Variants in UNK observed in about 807,000 individuals in gnomAD.
The protein encoded by UNK is RING finger protein unkempt homolog.
In UNK, 32 loss-of-function variants were observed where a neutral mutation model predicts 97.6. The ratio of observed to expected loss-of-function variants is 0.33; its 90% CI spans 0.25 to 0.44. The LOEUF is 0.44. Among genes scored for constraint, UNK ranks in the 20% least tolerant of loss-of-function variants. UNK has a pLI of 1.00. For synonymous variants in UNK, 441 were observed against 461.2 expected (o/e 0.96, Z 0.56); for missense variants, 771 against 1,098.4 (o/e 0.70, Z 4.21).
At chr17:75,815,926 T>G (rs1180760522) in intron 7 of UNK, among the ~76,000 whole-genome samples, 1 of 151,822 alleles carries the variant, frequency 6.6e-6, no homozygotes, top group Non-Finnish European at 1.5e-5. Flanking sequence ...AATTAAACAT[T>G]GGAAAATATG....
At chr17:75,815,142 C>T in intron 6 of UNK, 27 bp from the exon 7 acceptor site, 1 of 1,606,480 alleles carries the variant, frequency 6.2e-7, no homozygotes, top group Non-Finnish European at 8.5e-7. Context: ...GGGCCTGAGC[C>T]TGACTTGCCT....
chr17:75,790,295 T>C (rs1176449684), intron 1 of UNK, among the ~76,000 whole-genome samples: 1 of 151,720 alleles, frequency 6.6e-6, no homozygotes, highest in Admixed American at 6.6e-5. Context: ...AGACTCCATC[T>C]CAAGGGAAAA....
intron 1 of UNK, among the ~76,000 whole-genome samples, chr17:75,799,132 G>A (rs1453767974): frequency 1.3e-5 from 2 of 151,506 alleles, no homozygotes; most frequent in East Asian, 3.9e-4. Context: ...GCAACATGGC[G>A]AAACCTCATC....
chr17:75,819,610 C>A lies in UNK; in HGVS notation c.1547-74C>A. The A allele has an allele frequency of 1.5e-6, 2 of 1,375,228 alleles. No individual in the cohort carries two copies. The highest frequency in any genetic ancestry group is 2.1e-6 in the Non-Finnish European group (2 of 965,546). 85.2% of individuals were successfully genotyped at this position (1,375,228 alleles called of 1,614,324 possible). On this transcript the variant is annotated intron_variant, in intron 11 of 15. Transcript: ENST00000589666. The surrounding 1 kb of genome is among the most constrained non-coding windows in gnomAD (Gnocchi z 5.4). ...GCGTAGCATGGGCGTGAAGATGCAGCGTGGGCAGTAGACGAGGTGGTCAGG... is the reference window on the plus strand; with the variant it reads ...GCGTAGCATGGGCGTGAAGATGCAGAGTGGGCAGTAGACGAGGTGGTCAGG...
chr17:75,809,350 C>T (rs2061947552), intron 1 of UNK, among the ~76,000 whole-genome samples: 1 of 152,248 alleles, frequency 6.6e-6, no homozygotes, highest in Non-Finnish European at 1.5e-5. Context: ...CCTGCAACAA[C>T]AGGCAGGTGG....
At chr17:75,807,374 G>A (rs892992054) in intron 1 of UNK, among the ~76,000 whole-genome samples, 21 of 152,184 alleles carry the variant, frequency 1.4e-4, no homozygotes, top group African/African-American at 4.6e-4. Flanking sequence ...CTCCAGCCTG[G>A]GCAACATAAC....
intron 1 of UNK, among the ~76,000 whole-genome samples, chr17:75,790,093 A>G (rs765443550): frequency 3.9e-5 from 6 of 152,188 alleles, no homozygotes; most frequent in Non-Finnish European, 7.3e-5. Flanking sequence ...CAGTGAGCCG[A>G]GATCGCGCCA....
At chr17:75,812,318 C>G (rs373480560) in intron 3 of UNK, 30 bp downstream of exon 3, 1 of 1,595,874 alleles carries the variant, frequency 6.3e-7, no homozygotes, top group African/African-American at 1.3e-5. Flanking sequence ...GGGCTGATGG[C>G]AGTAGGCTGG....
rs2062085595 is a variant in UNK, at chr17:75,823,262, C to T, written c.2020-3C>T. ...GTGATGAGACTGTATGCTGGCCCCA[C>T]AGGCTTGTGATGCCTGGAAGAAAGA... On this transcript the variant is annotated splice_polypyrimidine_tract_variant and splice_region_variant and intron_variant, in intron 14 of 15. Coordinates refer to ENST00000589666, the MANE Select transcript of UNK (RefSeq NM_001080419.3). The T allele has an allele frequency of 1.3e-6, 2 of 1,593,790 alleles. No individual in the cohort carries two copies. The highest frequency in any genetic ancestry group is 2.7e-5 in the African/African-American group (2 of 74,542).
chr17:75,813,835 G>C lies in UNK; in HGVS notation c.833G>C (p.Cys278Ser). 1 of 1,599,826 alleles carries C rather than the reference G, an allele frequency of 6.3e-7. No homozygotes were observed. The highest frequency in any genetic ancestry group is 1.1e-5 in the South Asian group (1 of 88,530). ...DPGKCENGDA[C>S]QYCHTRTEQQ... is the part of the protein sequence containing the mutation. ...GGCAAGTGTGAGAACGGAGACGCCT[G>C]CCAGTACTGCCACACCCGCACCGAG... Residue 278 changes from cysteine (C) to serine (S), a missense_variant, in exon 6 of 16, where the codon TGC (cysteine) becomes TCC (serine). Around this residue, in one of 5 missense-constraint regions of UNK, gnomAD observed 246 missense variants for 440.7 expected, o/e 0.56. Transcript: ENST00000589666.
intron 2 of UNK, 71 bp downstream of exon 2, chr17:75,810,040 G>A: frequency 6.4e-7 from 1 of 1,569,004 alleles, no homozygotes; most frequent in Non-Finnish European, 8.7e-7. Context: ...AGGGTAGGCT[G>A]GGCAGATTCT....
At chr17:75,808,185 G>A (rs1381420309) in intron 1 of UNK, among the ~76,000 whole-genome samples, 1 of 152,164 alleles carries the variant, frequency 6.6e-6, no homozygotes, top group Admixed American at 6.5e-5. Flanking sequence ...CTACCAGTTT[G>A]AGGAATGGGT....
At chr17:75,812,037 G>T in intron 2 of UNK, 75 bp from the exon 3 acceptor site, 1 of 1,468,946 alleles carries the variant, frequency 6.8e-7, no homozygotes, top group Non-Finnish European at 9.2e-7. Context: ...AACAGTTGGG[G>T]TAAGGGCAGG....
intron 1 of UNK, among the ~76,000 whole-genome samples, chr17:75,805,830 G>A (rs1181493551): frequency 6.6e-6 from 1 of 151,744 alleles, no homozygotes; most frequent in African/African-American, 2.4e-5. Context: ...GTGTGTGTGT[G>A]TGTGTGTGTG....
chr17:75,825,145 G>C lies in UNK; in HGVS notation c.*728G>C, dbSNP rs949996711. Reference sequence around the variant, plus strand: ...CACCTGGGCCCTTGAAGCTCCTTGAGGGGCAAGGCCCAGGAGTTCCAGCCC... The same window carrying C: ...CACCTGGGCCCTTGAAGCTCCTTGACGGGCAAGGCCCAGGAGTTCCAGCCC... On this transcript the variant is annotated 3_prime_UTR_variant, in exon 16 of 16. Coordinates refer to ENST00000589666, the MANE Select transcript of UNK (RefSeq NM_001080419.3). This position sits in a 1 kb window ranked among gnomAD's most constrained non-coding sequence, Gnocchi z 4.4. The C allele has an allele frequency of 6.6e-6, 1 of 152,150 alleles. No homozygotes were observed. Among genetic ancestry groups the C allele is most frequent in the Non-Finnish European group, 1.5e-5 (1 of 67,990 alleles). 9.4% of individuals were successfully genotyped at this position (152,150 alleles called of 1,614,324 possible).
chr17:75,797,858 G>A (rs898857798), intron 1 of UNK, among the ~76,000 whole-genome samples: 4 of 152,208 alleles, frequency 2.6e-5, no homozygotes, highest in East Asian at 1.9e-4. Context: ...TGCATGTTCC[G>A]GGATTCATGA....
In UNK at chr17:75,824,064, G is replaced by T. The variant is rs114852377; in HGVS notation, c.2278-198G>T. On this transcript the variant is annotated intron_variant, in intron 15 of 15. Coordinates refer to ENST00000589666, the MANE Select transcript of UNK (RefSeq NM_001080419.3). The surrounding 1 kb of genome is among the most constrained non-coding windows in gnomAD (Gnocchi z 4.9). ...GAAGCCTCTCTGAGGGGTGGGTCTT[G>T]TGGCAGCCTGGCCATGCCCCATGCA... 9.3e-3 allele frequency among the ~76,000 whole-genome samples: 1,415 copies of T among 152,332 alleles called. 13 individuals carry two copies. The highest frequency in any genetic ancestry group is 0.031 in the African/African-American group (1,308 of 41,568).
intron 7 of UNK, 21 bp downstream of exon 7, chr17:75,815,274 C>T (rs377593056): frequency 3.3e-4 from 524 of 1,602,174 alleles, no homozygotes; most frequent in Non-Finnish European, 4.2e-4. Context: ...CCCATTGCCC[C>T]GGGGCAGTGC....
In UNK at chr17:75,810,094, G is replaced by A. The variant is rs912081025; in HGVS notation, c.314+125G>A. The stretch of plus-strand genomic sequence containing the variant: ...CTGGTTGCAGCCCAGCCCATGGCCC[G>A]AGCCTGGACTCAGACCCCACCATCC... On this transcript the variant is annotated intron_variant, in intron 2 of 15. Transcript: ENST00000589666. 29 of 1,181,650 alleles carry A rather than the reference G, an allele frequency of 2.5e-5. 1 individual carries two copies. Among genetic ancestry groups the A allele is most frequent in the South Asian group, 1.2e-4 (8 of 67,328 alleles). The allele number at this position is 1,181,650 out of a possible 1,614,324, so 73.2% of individuals were successfully genotyped here.
Sources: allele counts gnomAD v4.1 joint callset (sites outside exome capture counted in the v4.1 genomes callset), GRCh38; gene constraint gnomAD v4.1.1; regional missense constraint gnomAD v4.1.1; non-coding constraint Gnocchi (gnomAD v3.1); transcripts MANE v1.5; gene names NCBI Gene and HGNC (gene_info 2026-07-23, HGNC 2026-07-21).